The following FYN variants were observed in gnomAD, a reference collection of about 807,000 sequenced individuals.
FYN encodes FYN proto-oncogene, Src family tyrosine kinase.
In FYN, 10 loss-of-function variants were observed where a neutral mutation model predicts 70.2. That is an observed-to-expected ratio of 0.14 (90% CI 0.09 to 0.24). The LOEUF (loss-of-function observed/expected upper bound fraction) is 0.24, where lower values mean the gene tolerates loss of function less well. FYN is among the 10% of genes least tolerant of loss of function. The probability of loss-of-function intolerance (pLI) is 1.00; values close to 1 mark genes in which losing one functional copy is unlikely to be tolerated. For synonymous variants in FYN, 236 were observed against 248.6 expected (o/e 0.95, Z 0.48); for missense variants, 319 against 673.1 (o/e 0.47, Z 5.82).
intron 10 of FYN, 49 bp downstream of exon 10, chr6:111,696,228 C>T (rs1416365961): frequency 6.9e-7 from 1 of 1,453,626 alleles, no homozygotes; most frequent in South Asian, 1.5e-5. Flanking sequence ...CTCCCCTAAA[C>T]AACCCCTTAA....
At chr6:111,678,374 C>A (rs558160408) in intron 12 of FYN, among the ~76,000 whole-genome samples, 2 of 152,172 alleles carry the variant, frequency 1.3e-5, no homozygotes, top group South Asian at 4.2e-4. Context: ...GACCAGTTAG[C>A]CTTAGGCTGA....
chr6:111,738,292 G>A (rs1308346319), intron 3 of FYN, among the ~76,000 whole-genome samples: 1 of 152,348 alleles, frequency 6.6e-6, no homozygotes, highest in East Asian at 1.9e-4. Context: ...TGCACCCTGA[G>A]GGTTTAAGGT....
At chr6:111,802,312 T>C (rs1215903328) in intron 2 of FYN, among the ~76,000 whole-genome samples, 2 of 152,168 alleles carry the variant, frequency 1.3e-5, no homozygotes, top group African/African-American at 4.8e-5. Flanking sequence ...TCTGCCATGA[T>C]TGTAAATGTC....
rs1797701909 is a variant in FYN at position 111,660,677 on chromosome 6, T to C, written c.*1062A>G. On this transcript the variant is annotated 3_prime_UTR_variant, in exon 14 of 14. Coordinates refer to ENST00000354650, the MANE Select transcript of FYN (RefSeq NM_002037.5). Reference sequence around the variant, plus strand: ...AAAACACTTATTTTACAATGGGAAATGTACAACCCCCACCCTCATTTCCCC... The same window carrying C: ...AAAACACTTATTTTACAATGGGAAACGTACAACCCCCACCCTCATTTCCCC... The C allele has an allele frequency of 1.3e-5, 2 of 152,212 alleles. No homozygotes were observed. The highest frequency in any genetic ancestry group is 4.8e-5 in the African/African-American group (2 of 41,450). 9.4% of individuals were successfully genotyped at this position (152,212 alleles called of 1,614,324 possible).
In FYN at chr6:111,757,404, C is replaced by T. The variant is rs150063407; in HGVS notation, c.-12+23162G>A. ...AAGACCTACAGGATTCCTCTCTATT[C>T]TATTCCCATGGAAAAATTTCACTTA... On this transcript the variant is annotated intron_variant, in intron 3 of 13. Transcript: ENST00000354650. Among the ~76,000 whole-genome samples, 818 of 152,290 alleles carry T rather than the reference C, an allele frequency of 5.4e-3. 4 individuals are homozygous for T. The highest frequency in any genetic ancestry group is 0.013 in the South Asian group (63 of 4,826).
chr6:111,747,971 T>C (rs1802305767), intron 3 of FYN, among the ~76,000 whole-genome samples: 1 of 152,242 alleles, frequency 6.6e-6, no homozygotes, highest in African/African-American at 2.4e-5. Flanking sequence ...ATTCCATGTG[T>C]TTCCTTCCCT....
chr6:111,667,756 A>C (rs1798075806), intron 13 of FYN, among the ~76,000 whole-genome samples: 1 of 152,252 alleles, frequency 6.6e-6, no homozygotes, highest in Admixed American at 6.5e-5. Flanking sequence ...TTATGAAAGA[A>C]GAGTGTTTGT....
chr6:111,767,782 T>C lies in FYN; in HGVS notation c.-12+12784A>G, dbSNP rs1043309400. Among the ~76,000 whole-genome samples, 5 of 152,320 alleles carry C rather than the reference T, an allele frequency of 3.3e-5. No homozygotes were observed. In the East Asian group the frequency reaches 7.7e-4, roughly 23 times the overall value. On this transcript the variant is annotated intron_variant, in intron 3 of 13. Transcript: ENST00000354650. ...TTTGTTAGAAGAGAGACAAAACTGC[T>C]AAAAGCATCACTTCTATTCTGGCAC...
chr6:111,741,112 AAAAG>A (rs1380507667), intron 3 of FYN: 16 of 152,552 alleles, frequency 1.0e-4, no homozygotes, highest in East Asian at 1.9e-4. Context: ...AAAAAAAAAA[AAAAG>A]AAAGAAAGGT....
intron 1 of FYN, among the ~76,000 whole-genome samples, chr6:111,851,509 G>A (rs1773686016): frequency 6.6e-6 from 1 of 152,172 alleles, no homozygotes; most frequent in African/African-American, 2.4e-5. Context: ...TAAGAACAGT[G>A]TACCTAGAAG....
intron 3 of FYN, among the ~76,000 whole-genome samples, chr6:111,767,764 G>C (rs1345275314): frequency 6.6e-6 from 1 of 152,186 alleles, no homozygotes; most frequent in Non-Finnish European, 1.5e-5. Context: ...TGGTTTGTTA[G>C]AAGAGAGACA....
intron 5 of FYN, among the ~76,000 whole-genome samples, chr6:111,708,755 C>T (rs968552214): frequency 2.6e-5 from 4 of 152,142 alleles, no homozygotes; most frequent in Admixed American, 6.5e-5. Flanking sequence ...CACAGAAACT[C>T]GGCAAGGGAG....
At chr6:111,790,464 C>T (rs549238149) in intron 2 of FYN, among the ~76,000 whole-genome samples, 15 of 152,072 alleles carry the variant, frequency 9.9e-5, no homozygotes, top group Non-Finnish European at 1.9e-4. Flanking sequence ...CAGATCGAGT[C>T]TCCCACCCCT....
chr6:111,680,302 T>C (rs948464726), intron 12 of FYN, among the ~76,000 whole-genome samples: 1 of 152,202 alleles, frequency 6.6e-6, no homozygotes, highest in African/African-American at 2.4e-5. Context: ...CTGGCAGTCA[T>C]GGAGCTGGAA....
At chr6:111,760,936 T>C (rs997511525) in intron 3 of FYN, among the ~76,000 whole-genome samples, 2 of 152,196 alleles carry the variant, frequency 1.3e-5, no homozygotes, top group African/African-American at 4.8e-5. Context: ...GCTCAGGACC[T>C]TACTGTGCCT....
chr6:111,868,646 C>A (rs948510749), intron 1 of FYN, among the ~76,000 whole-genome samples: 8 of 152,134 alleles, frequency 5.3e-5, no homozygotes, highest in South Asian at 2.1e-4. Context: ...ATTTTAATAT[C>A]ATCATTATAT....
At chr6:111,755,465 T>C (rs557495154) in intron 3 of FYN, among the ~76,000 whole-genome samples, 26 of 152,216 alleles carry the variant, frequency 1.7e-4, no homozygotes, top group East Asian at 9.6e-4. Flanking sequence ...CTTGAAGAGA[T>C]TGACAGATTA....
At chr6:111,852,089 G>A (rs1773701467) in intron 1 of FYN, among the ~76,000 whole-genome samples, 1 of 152,158 alleles carries the variant, frequency 6.6e-6, no homozygotes, top group Non-Finnish European at 1.5e-5. Flanking sequence ...TTCTCCTTCT[G>A]TTAAATAGGA....
chr6:111,783,939 T>G (rs1562519797), intron 2 of FYN, among the ~76,000 whole-genome samples: 1 of 152,340 alleles, frequency 6.6e-6, no homozygotes, highest in East Asian at 1.9e-4. Flanking sequence ...GTGATCTGTG[T>G]GCACACTGAA....
Sources: gnomAD v4.1 joint callset for allele counts (sites outside exome capture counted in the v4.1 genomes callset) on GRCh38, gnomAD v4.1.1 for gene constraint, MANE v1.5 for transcripts, NCBI Gene and HGNC (gene_info 2026-07-23, HGNC 2026-07-21) for gene names.